COL21A1: variants seen among roughly 807,000 people sequenced by gnomAD.
COL21A1 encodes the protein collagen alpha-1(XXI) chain.
COL21A1 carries 149 observed loss-of-function variants against 137.9 expected under a neutral mutation model. The ratio of observed to expected loss-of-function variants is 1.08; its 90% CI spans 0.95 to 1.24. COL21A1 has a LOEUF of 1.24. Ranked by LOEUF, COL21A1 falls within the 50% of genes most tolerant of loss-of-function variation. COL21A1 has a pLI of 0.00. For missense variants in COL21A1, 1,167 were observed against 1,158.4 expected (o/e 1.01, Z -0.11); for synonymous variants, 456 against 391.5 (o/e 1.16, Z -1.95).
intron 2 of COL21A1, among the ~76,000 whole-genome samples, chr6:56,181,055 G>A (rs529944858): frequency 6.6e-6 from 1 of 152,228 alleles, no homozygotes; most frequent in East Asian, 1.9e-4. Flanking sequence ...TCCACAGTTA[G>A]GTTGCCATCC....
chr6:56,242,482 G>A (rs1782392983), intron 1 of COL21A1, among the ~76,000 whole-genome samples: 1 of 152,108 alleles, frequency 6.6e-6, no homozygotes, highest in South Asian at 2.1e-4. Flanking sequence ...TTAAGGGGTA[G>A]CATAACACTG....
At chr6:56,078,318 T>G (rs1463396153) in intron 17 of COL21A1, 3 of 435,444 alleles carry the variant, frequency 6.9e-6, no homozygotes, top group Non-Finnish European at 1.4e-5. Context: ...TCATTTATCA[T>G]GCAAAACAGT....
chr6:56,309,520 C>A (rs1764555697), intron 1 of COL21A1, among the ~76,000 whole-genome samples: 1 of 152,172 alleles, frequency 6.6e-6, no homozygotes, highest in African/African-American at 2.4e-5. Context: ...ATAGCCATCA[C>A]ATGTCTTATG....
intron 1 of COL21A1, among the ~76,000 whole-genome samples, chr6:56,337,941 T>TTTTTC (rs200996968): frequency 9.1e-5 from 13 of 142,608 alleles, no homozygotes; most frequent in East Asian, 6.1e-4. Flanking sequence ...AAAAGGGGTT[T>TTTTTC]TTTTCTTTTC....
chr6:56,059,007 G>T (rs1428316282), intron 29 of COL21A1, among the ~76,000 whole-genome samples, 158 bp downstream of exon 29: 1 of 152,092 alleles, frequency 6.6e-6, no homozygotes, highest in East Asian at 1.9e-4. Context: ...GATAATATAT[G>T]AAAAAATATT....
intron 16 of COL21A1, among the ~76,000 whole-genome samples, chr6:56,114,220 G>A (rs1170510428): frequency 2.6e-5 from 4 of 152,160 alleles, no homozygotes; most frequent in African/African-American, 4.8e-5. Flanking sequence ...AACGAACATA[G>A]GCAGCAGCCA....
intron 16 of COL21A1, among the ~76,000 whole-genome samples, chr6:56,102,328 CAT>C (rs1770531071): frequency 1.3e-5 from 2 of 152,130 alleles, no homozygotes; most frequent in African/African-American, 4.8e-5. Flanking sequence ...CATATACACA[CAT>C]GTACACACCC....
At chr6:56,278,244 G>A (rs1238144726) in intron 1 of COL21A1, among the ~76,000 whole-genome samples, 1 of 152,142 alleles carries the variant, frequency 6.6e-6, no homozygotes, top group Admixed American at 6.5e-5. Flanking sequence ...ATGTGAATAG[G>A]CTAAAATAAA....
intron 1 of COL21A1, among the ~76,000 whole-genome samples, chr6:56,377,351 C>G (rs2152351373): frequency 6.6e-6 from 1 of 152,152 alleles, no homozygotes; most frequent in Non-Finnish European, 1.5e-5. Context: ...CCACTCCCCT[C>G]TCCCCCATTT....
At chr6:56,320,488 A>G (rs9382618) in intron 1 of COL21A1, among the ~76,000 whole-genome samples, 35,258 of 150,970 alleles carry the variant, frequency 0.23, 5,101 homozygotes, top group Middle Eastern at 0.43. Context: ...CAAAGTCCCT[A>G]TGATAACCCC....
chr6:56,260,418 AC>A (rs1763222798), intron 1 of COL21A1, among the ~76,000 whole-genome samples: 1 of 151,780 alleles, frequency 6.6e-6, no homozygotes, highest in South Asian at 2.1e-4. Flanking sequence ...TATAAAAAAT[AC>A]AAAAATTAGC....
chr6:56,159,630 C>T (rs891701772), intron 9 of COL21A1, among the ~76,000 whole-genome samples: 2 of 128,812 alleles, frequency 1.6e-5, no homozygotes, highest in Middle Eastern at 4.8e-3. Flanking sequence ...CATGCCTGGC[C>T]TTACTTTTTT....
chr6:56,151,267 A>G (rs557717856), intron 10 of COL21A1, among the ~76,000 whole-genome samples: 10 of 152,294 alleles, frequency 6.6e-5, no homozygotes, highest in African/African-American at 2.4e-4. Flanking sequence ...GTAACTAATG[A>G]TAACAGAAAC....
intron 1 of COL21A1, among the ~76,000 whole-genome samples, chr6:56,327,261 T>G (rs1253253127): frequency 6.6e-6 from 1 of 151,768 alleles, no homozygotes; most frequent in Non-Finnish European, 1.5e-5. Context: ...TCTCATTAAA[T>G]AAAATATTTA....
At chr6:56,341,811 C>T (rs1173932898) in intron 1 of COL21A1, among the ~76,000 whole-genome samples, 1 of 152,094 alleles carries the variant, frequency 6.6e-6, no homozygotes, top group Non-Finnish European at 1.5e-5. Flanking sequence ...GGAGCCTGTG[C>T]ATACATGGTG....
intron 1 of COL21A1, among the ~76,000 whole-genome samples, chr6:56,244,644 T>C (rs1782540610): frequency 6.6e-6 from 1 of 152,218 alleles, no homozygotes; most frequent in Admixed American, 6.5e-5. Context: ...AGTGCTTAGA[T>C]GCCGGAACTT....
intron 12 of COL21A1, among the ~76,000 whole-genome samples, chr6:56,140,273 CTGAG>C (rs1236398030): frequency 6.6e-6 from 1 of 152,088 alleles, no homozygotes; most frequent in Non-Finnish European, 1.5e-5. Flanking sequence ...AGACTATTTG[CTGAG>C]TAAGTATTCC....
chr6:56,170,174 A>G (rs989515358), intron 5 of COL21A1, among the ~76,000 whole-genome samples: 2 of 151,898 alleles, frequency 1.3e-5, no homozygotes, highest in Non-Finnish European at 2.9e-5. Context: ...CCTATTATGT[A>G]TCTGGTATTT....
intron 7 of COL21A1, among the ~76,000 whole-genome samples, chr6:56,165,907 TACACACACAC>T (rs61397350): frequency 1.1e-3 from 113 of 105,806 alleles, no homozygotes; most frequent in East Asian, 5.1e-3. Context: ...GGGGATTGAT[TACACACACAC>T]ACACACACAC....
Sources: allele counts gnomAD v4.1 joint callset (sites outside exome capture counted in the v4.1 genomes callset), GRCh38; gene constraint gnomAD v4.1.1; transcripts MANE v1.5; gene names NCBI Gene and HGNC (gene_info 2026-07-23, HGNC 2026-07-21).